MICAL3: variants seen among roughly 807,000 people sequenced by gnomAD.
MICAL3 encodes the protein [F-actin]-monooxygenase MICAL3.
MICAL3 carries 62 observed loss-of-function variants against 207.4 expected under a neutral mutation model. The ratio of observed to expected loss-of-function variants is 0.30; its 90% CI spans 0.24 to 0.37. MICAL3 has a LOEUF of 0.37. Ranked by LOEUF, MICAL3 falls within the 10% of genes least tolerant of loss-of-function variation. The pLI, the probability that MICAL3 is intolerant of heterozygous loss-of-function variation, is 1.00. For missense variants in MICAL3, 2,368 were observed against 2,635.6 expected (o/e 0.90, Z 2.22); for synonymous variants, 1,077 against 1,069.3 (o/e 1.01, Z -0.14).
chr22:17,970,377 C>T (rs1229466907), intron 1 of MICAL3, among the ~76,000 whole-genome samples: 5 of 152,126 alleles, frequency 3.3e-5, no homozygotes, highest in Admixed American at 6.5e-5. Flanking sequence ...CTTGAGTGAG[C>T]GGCTGACCAG....
At chr22:17,884,055 C>T (rs2075445) in intron 16 of MICAL3, among the ~76,000 whole-genome samples, 23,985 of 152,192 alleles carry the variant, frequency 0.16, 2,330 homozygotes, top group African/African-American at 0.25. Flanking sequence ...CAACAGTCTC[C>T]CTTTTAACTT....
intron 1 of MICAL3, among the ~76,000 whole-genome samples, chr22:17,965,915 G>C (rs138709054): frequency 6.6e-6 from 1 of 152,120 alleles, no homozygotes; most frequent in Non-Finnish European, 1.5e-5. Context: ...CACTGCACTC[G>C]AGGGTGGTCT....
intron 7 of MICAL3, among the ~76,000 whole-genome samples, chr22:17,898,545 G>A (rs1437336810): frequency 1.3e-5 from 2 of 152,196 alleles, no homozygotes; most frequent in African/African-American, 4.8e-5. Context: ...TAAAGTGACT[G>A]CATTCACATC....
chr22:17,966,642 TA>T (rs1466905021), intron 1 of MICAL3, among the ~76,000 whole-genome samples: 3 of 152,226 alleles, frequency 2.0e-5, no homozygotes, highest in African/African-American at 4.8e-5. Context: ...GTCCAATTCC[TA>T]GTTAACTCCC....
intron 1 of MICAL3, among the ~76,000 whole-genome samples, chr22:17,998,725 T>A (rs1336570924): frequency 6.6e-6 from 1 of 151,892 alleles, no homozygotes; most frequent in Admixed American, 6.6e-5. Context: ...CACGCCCAGC[T>A]GGTATTTTTA....
At chr22:17,840,772 T>G (rs1923930199) in intron 20 of MICAL3, 1 of 152,374 alleles carries the variant, frequency 6.6e-6, no homozygotes, top group African/African-American at 2.4e-5. Flanking sequence ...GGGGCCTCCA[T>G]GGGTGCTCTG....
At chr22:17,963,032 G>A (rs1376512285) in intron 1 of MICAL3, among the ~76,000 whole-genome samples, 3 of 152,058 alleles carry the variant, frequency 2.0e-5, no homozygotes, top group African/African-American at 4.8e-5. Context: ...GATTAGAGGT[G>A]TGAGCCACCA....
intron 1 of MICAL3, among the ~76,000 whole-genome samples, chr22:17,944,180 GGACATCA>G (rs1933944051): frequency 6.6e-6 from 1 of 152,178 alleles, no homozygotes; most frequent in African/African-American, 2.4e-5. Context: ...TGGTTGACAT[GGACATCA>G]GTTAAAACCT....
chr22:17,826,255 T>C (rs1229895562), intron 22 of MICAL3, among the ~76,000 whole-genome samples: 1 of 140,710 alleles, frequency 7.1e-6, no homozygotes, highest in Non-Finnish European at 1.6e-5. Flanking sequence ...CGTTTCCCTC[T>C]GAGCTGCCCT....
Position 17,871,886 on chromosome 22 carries a change from G to A in MICAL3, c.2379C>T (p.Tyr793=), listed in dbSNP as rs1351829885. The stretch of plus-strand genomic sequence containing the variant: ...CCGAGAGGCGCAGGGTGGTGGCGCA[G>A]TACTCGCACTTGAAGCAGCTCCGGT... ...FFHRSCFKCE[Y]CATTLRLSAY... Residue 793 remains tyrosine, a synonymous_variant, in exon 17 of 32, where the codon TAC becomes TAT. Transcript: ENST00000441493. 6.2e-7 allele frequency: 1 copy of A among 1,611,408 alleles called. No homozygotes were observed. Among genetic ancestry groups the A allele is most frequent in the Non-Finnish European group, 8.5e-7 (1 of 1,179,012 alleles).
Position 17,818,858 on chromosome 22 carries a change from G to A in MICAL3, c.3803C>T (p.Thr1268Ile). The A allele has an allele frequency of 6.5e-7, 1 of 1,547,030 alleles. No individual in the cohort carries two copies. Among genetic ancestry groups the A allele is most frequent in the South Asian group, 1.2e-5 (1 of 81,086 alleles). The part of the protein sequence containing the change: ...LPICSQPQPS[T>I]EATVPSPTQS... ...GGTAGGGGATGGGACAGTGGCCTCG[G>A]TGGAAGGCTGGGGCTGGGAGCAGAT... The change falls in exon 26 of 32, where the codon ACC becomes ATC. Residue 1268 changes from threonine (T) to isoleucine (I), a missense_variant. Physicochemically the swap from Thr to Ile is moderately conservative, Grantham distance 89. Transcript: ENST00000441493.
At position 17,861,027 on chromosome 22, in the gene MICAL3, A is replaced by G. The variant is rs532130730; in HGVS notation, c.2605+3872T>C. The G allele has an allele frequency of 4.1e-6, 4 of 985,474 alleles. No homozygotes were observed. The East Asian group carries it at 4.5e-4, about 112-fold the overall frequency. 61.0% of individuals were successfully genotyped at this position (985,474 alleles called of 1,614,324 possible). On this transcript the variant is annotated intron_variant, in intron 19 of 31. Coordinates refer to ENST00000441493, the MANE Select transcript of MICAL3 (RefSeq NM_015241.3). ...TGTACCTATATATAAACATTCACAC[A>G]TCACCGTCAGCTATGGCTCTTGGGG...
At chr22:17,829,197 G>A (rs1049389408) in intron 21 of MICAL3, among the ~76,000 whole-genome samples, 9 of 144,880 alleles carry the variant, frequency 6.2e-5, no homozygotes, top group African/African-American at 2.1e-4. Context: ...ACGAAGTGTC[G>A]CTCTTGTTGC....
At chr22:17,925,020 A>G (rs897191044) in intron 1 of MICAL3, among the ~76,000 whole-genome samples, 3 of 152,164 alleles carry the variant, frequency 2.0e-5, no homozygotes, top group Non-Finnish European at 4.4e-5. Flanking sequence ...CAACGGGGGG[A>G]AAGAGTCCTG....
At chr22:18,024,107 G>C (rs1924652996) in intron 1 of MICAL3, among the ~76,000 whole-genome samples, 174 bp downstream of exon 1, 1 of 152,238 alleles carries the variant, frequency 6.6e-6, no homozygotes, top group African/African-American at 2.4e-5. Flanking sequence ...CTAGGGGAGA[G>C]AGGGCTGCGT....
At chr22:17,958,167 T>C (rs1934722969) in intron 1 of MICAL3, among the ~76,000 whole-genome samples, 1 of 152,174 alleles carries the variant, frequency 6.6e-6, no homozygotes, top group South Asian at 2.1e-4. Flanking sequence ...ACTTTTTGGA[T>C]AGCTTATCTT....
chr22:17,859,303 G>A (rs1926260444), intron 19 of MICAL3, among the ~76,000 whole-genome samples: 1 of 152,222 alleles, frequency 6.6e-6, no homozygotes, highest in South Asian at 2.1e-4. Context: ...GGGGGACGGA[G>A]GCCAGAGAGG....
chr22:17,960,602 G>C (rs1275325120), intron 1 of MICAL3, among the ~76,000 whole-genome samples: 1 of 152,142 alleles, frequency 6.6e-6, no homozygotes, highest in African/African-American at 2.4e-5. Context: ...AACTGGACCT[G>C]TTCAGGATTG....
chr22:17,886,981 CTT>C (rs1272065487), intron 15 of MICAL3, among the ~76,000 whole-genome samples, 187 bp downstream of exon 15: 5 of 56,520 alleles, frequency 8.8e-5, no homozygotes, highest in Admixed American at 6.3e-4. Context: ...GAGAAAGACT[CTT>C]GTCTCAAAAA....
Sources: allele counts gnomAD v4.1 joint callset (sites outside exome capture counted in the v4.1 genomes callset), GRCh38; gene constraint gnomAD v4.1.1; transcripts MANE v1.5; gene names NCBI Gene and HGNC (gene_info 2026-07-23, HGNC 2026-07-21).